The following IFT56 variants were observed in gnomAD, a reference collection of about 807,000 sequenced individuals.
IFT56 encodes the protein intraflagellar transport protein 56.
chr7:139,152,726 G>A, the IFT56 span, among the ~76,000 whole-genome samples: 2 of 152,064 alleles, frequency 1.3e-5, no homozygotes, highest in Non-Finnish European at 2.9e-5. Flanking sequence ...ATTTATATAT[G>A]GCTTTATTGA....
the IFT56 span, among the ~76,000 whole-genome samples, chr7:139,145,506 C>A: frequency 6.6e-6 from 1 of 151,982 alleles, no homozygotes; most frequent in Non-Finnish European, 1.5e-5. Flanking sequence ...CTCACTGTAA[C>A]CTCTGCCTCC....
the IFT56 span, chr7:139,178,482 C>A: frequency 1.3e-6 from 2 of 1,575,646 alleles, no homozygotes; most frequent in South Asian, 2.2e-5. Context: ...TATGTTAATT[C>A]TCAGTGTGAC....
chr7:139,182,147 A>G, the IFT56 span, among the ~76,000 whole-genome samples: 1 of 151,910 alleles, frequency 6.6e-6, no homozygotes, highest in African/African-American at 2.4e-5. Context: ...TAGTTTGGGG[A>G]CCTAGCCTCA....
At chr7:139,150,191 T>C in the IFT56 span, among the ~76,000 whole-genome samples, 1 of 152,184 alleles carries the variant, frequency 6.6e-6, no homozygotes, top group African/African-American at 2.4e-5. Flanking sequence ...TCATTTCAAC[T>C]AAGGAGTCCC....
chr7:139,135,273 G>A, the IFT56 span, among the ~76,000 whole-genome samples: 217 of 101,220 alleles, frequency 2.1e-3, no homozygotes, highest in Non-Finnish European at 2.9e-3. Context: ...GCGAGACTCC[G>A]TCTCAAAAAA....
chr7:139,187,398 T>C, the IFT56 span: 1 of 1,614,056 alleles, frequency 6.2e-7, no homozygotes. Context: ...ATACGTTCTC[T>C]TATTCAGATG....
chr7:139,169,106 C>T, the IFT56 span, among the ~76,000 whole-genome samples: 1 of 152,082 alleles, frequency 6.6e-6, no homozygotes, highest in African/African-American at 2.4e-5. Flanking sequence ...CTCTGCCTGT[C>T]CCTGCACAGG....
the IFT56 span, among the ~76,000 whole-genome samples, chr7:139,181,805 A>C: frequency 1.3e-5 from 2 of 152,234 alleles, no homozygotes; most frequent in Admixed American, 1.3e-4. Flanking sequence ...AAACATATCT[A>C]AACATAGAAA....
At chr7:139,168,572 A>AAAAAAAAAC in the IFT56 span, 101 of 584,768 alleles carry the variant, frequency 1.7e-4, no homozygotes, top group African/African-American at 1.9e-3. Context: ...TTAGAGACAA[A>AAAAAAAAAC]AAAAAAAAAC....
the IFT56 span, among the ~76,000 whole-genome samples, chr7:139,180,608 G>A: frequency 6.6e-6 from 1 of 151,848 alleles, no homozygotes; most frequent in Non-Finnish European, 1.5e-5. Flanking sequence ...TGCTTGGGAG[G>A]CTGAGGCACG....
At chr7:139,167,023 A>G in the IFT56 span, 2 of 541,908 alleles carry the variant, frequency 3.7e-6, no homozygotes, top group East Asian at 2.7e-5. Flanking sequence ...GGAAAAGACC[A>G]TATGTATTCA....
chr7:139,142,735 G>A, the IFT56 span, among the ~76,000 whole-genome samples: 12 of 152,182 alleles, frequency 7.9e-5, no homozygotes, highest in Non-Finnish European at 1.6e-4. Flanking sequence ...AGGAGGCTGA[G>A]GGAGGAGAAT....
chr7:139,187,888 CTT>C, the IFT56 span, among the ~76,000 whole-genome samples: 1 of 150,838 alleles, frequency 6.6e-6, no homozygotes, highest in African/African-American at 2.4e-5. Flanking sequence ...CTCTTCTACT[CTT>C]TTGGGTTTTT....
the IFT56 span, among the ~76,000 whole-genome samples, chr7:139,176,966 G>C: frequency 6.6e-6 from 1 of 152,028 alleles, no homozygotes; most frequent in East Asian, 1.9e-4. Flanking sequence ...GAGGTCAGGA[G>C]ATCGAGACCA....
At chr7:139,158,117 C>T in the IFT56 span, among the ~76,000 whole-genome samples, 2 of 151,992 alleles carry the variant, frequency 1.3e-5, no homozygotes, top group Admixed American at 6.6e-5. Context: ...AGTTCCACAC[C>T]AGCCTGGCCA....
At chr7:139,165,367 A>G in the IFT56 span, 1 of 612,746 alleles carries the variant, frequency 1.6e-6, no homozygotes, top group Non-Finnish European at 2.8e-6. Flanking sequence ...TCATAGAACA[A>G]GTTTATTGGT....
chr7:139,147,909 T>C, the IFT56 span, among the ~76,000 whole-genome samples: 1 of 152,234 alleles, frequency 6.6e-6, no homozygotes, highest in Non-Finnish European at 1.5e-5. Flanking sequence ...GTCTTGTCTG[T>C]TGGTCTTCTG....
At chr7:139,137,754 C>T in the IFT56 span, 25 of 834,122 alleles carry the variant, frequency 3.0e-5, no homozygotes, top group East Asian at 6.2e-4. Context: ...CTTAGATTGC[C>T]TGTTGTCAGT....
At chr7:139,135,322 G>A in the IFT56 span, among the ~76,000 whole-genome samples, 5,967 of 150,288 alleles carry the variant, frequency 0.04, 457 homozygotes, top group African/African-American at 0.14. Context: ...ATTTCTTGAG[G>A]GCCACTTTTG....
Sources: gnomAD v4.1 joint callset for allele counts (sites outside exome capture counted in the v4.1 genomes callset) on GRCh38, gnomAD v4.1.1 for gene constraint, MANE v1.5 for transcripts, NCBI Gene and HGNC (gene_info 2026-07-23, HGNC 2026-07-21) for gene names.